The following DPYD variants were observed in gnomAD, a reference collection of about 807,000 sequenced individuals.
The protein encoded by DPYD is dihydropyrimidine dehydrogenase.
A neutral mutation model predicts 116.2 loss-of-function variants in DPYD; 109 were observed. That is an observed-to-expected ratio of 0.94 (90% CI 0.80 to 1.10). DPYD has a LOEUF of 1.10. Among genes scored for constraint, DPYD ranks in the 50% least tolerant of loss-of-function variants. The pLI is 0.00. For missense variants in DPYD, 1,302 were observed against 1,254.5 expected, an observed-to-expected ratio of 1.04 and a Z score of -0.57; for synonymous variants, 440 against 432.0, an observed-to-expected ratio of 1.02 and a Z score of -0.23.
At chr1:97,400,599 A>C (rs1346850391) in intron 14 of DPYD, among the ~76,000 whole-genome samples, 1 of 152,002 alleles carries the variant, frequency 6.6e-6, no homozygotes, top group Non-Finnish European at 1.5e-5. Flanking sequence ...TTGGTTGGTA[A>C]GCTATTAATT....
intron 16 of DPYD, among the ~76,000 whole-genome samples, chr1:97,366,102 A>C (rs1345549098): frequency 6.6e-6 from 1 of 152,190 alleles, no homozygotes; most frequent in Non-Finnish European, 1.5e-5. Flanking sequence ...AACATTAATA[A>C]CTATAATTGA....
At chr1:97,894,638 T>C (rs1315430695) in intron 1 of DPYD, among the ~76,000 whole-genome samples, 1 of 151,708 alleles carries the variant, frequency 6.6e-6, no homozygotes, top group Non-Finnish European at 1.5e-5. Flanking sequence ...TTATATATCT[T>C]TATTCTTTAA....
Position 97,078,228 on chromosome 1 carries a change from T to C in DPYD, c.*748A>G, listed in dbSNP as rs1446326038. ...CACAGCAAAAGAGTGGTAACCAGGA[T>C]CTATCCTATCATCTCATTTTGTTAG... On this transcript the variant is annotated 3_prime_UTR_variant, in exon 23 of 23. Transcript: ENST00000370192. 6.5e-6 allele frequency: 1 copy of C among 153,220 alleles called. No individual in the cohort carries two copies. Among genetic ancestry groups the C allele is most frequent in the Non-Finnish European group, 1.5e-5 (1 of 68,752 alleles). 9.5% of individuals were successfully genotyped at this position (153,220 alleles called of 1,614,324 possible).
At chr1:97,860,936 A>G (rs961204618) in intron 2 of DPYD, among the ~76,000 whole-genome samples, 2 of 152,050 alleles carry the variant, frequency 1.3e-5, no homozygotes, top group African/African-American at 4.8e-5. Flanking sequence ...TAAGGTTTAT[A>G]TATCTTTTGA....
intron 4 of DPYD, among the ~76,000 whole-genome samples, chr1:97,724,604 G>A (rs1478662472): frequency 6.6e-6 from 1 of 151,402 alleles, no homozygotes; most frequent in African/African-American, 2.4e-5. Context: ...TCAGGGTAGA[G>A]CTAGCATTTT....
rs1277880912 is a variant in DPYD at position 97,765,358 on chromosome 1, G to A, written c.234-24879C>T. ...TTTCTTTGGTCTAAGGCTATATAGA[G>A]AGGCTACTAGAGCACTGTGCCCATC... is the stretch of plus-strand genomic sequence containing the variant. On this transcript the variant is annotated intron_variant, in intron 3 of 22. Coordinates refer to ENST00000370192, the MANE Select transcript of DPYD (RefSeq NM_000110.4). Among the ~76,000 whole-genome samples the A allele has an allele frequency of 2.0e-5, 3 of 152,242 alleles. No homozygotes were observed. The East Asian group carries it at 5.8e-4, about 29-fold the overall frequency.
chr1:97,103,942 A>T (rs1345690176), intron 20 of DPYD, among the ~76,000 whole-genome samples: 1 of 152,118 alleles, frequency 6.6e-6, no homozygotes, highest in East Asian at 1.9e-4. Flanking sequence ...CCCCTCTGCC[A>T]GAATACCCCA....
intron 22 of DPYD, among the ~76,000 whole-genome samples, chr1:97,081,718 T>TTTTC (rs1491225219): frequency 1.5e-4 from 8 of 54,506 alleles, no homozygotes; most frequent in Admixed American, 3.3e-4. Context: ...TTTTCTTTTC[T>TTTTC]TTTTTTTTTT....
intron 16 of DPYD, among the ~76,000 whole-genome samples, chr1:97,338,511 G>A (rs1418371891): frequency 6.6e-6 from 1 of 152,188 alleles, no homozygotes; most frequent in African/African-American, 2.4e-5. Context: ...ATCATCCAAA[G>A]AAGAGCACGT....
At chr1:97,277,105 A>T (rs1170630077) in intron 18 of DPYD, among the ~76,000 whole-genome samples, 1 of 152,202 alleles carries the variant, frequency 6.6e-6, no homozygotes, top group East Asian at 1.9e-4. Flanking sequence ...TTAACGCAGG[A>T]ACAGAAAACC....
rs773652644 is a variant in DPYD at position 97,382,403 on chromosome 1, T to C, written c.1964A>G (p.Lys655Arg). ...TAAAGTAACCATTACCTCAGACTTC[T>C]TGGCAAGTTCCGTCCAGTCATTTTT... ...YNKNDWTELA[K>R]KSEDSGADAL... The change falls in exon 15 of 23, where the codon AAG (lysine) becomes AGG (arginine). Residue 655 changes from lysine (K) to arginine (R), a missense_variant. Coordinates refer to ENST00000370192, the MANE Select transcript of DPYD (RefSeq NM_000110.4). 6.9e-6 allele frequency: 11 copies of C among 1,595,988 alleles called. No homozygotes were observed. Among genetic ancestry groups the C allele is most frequent in the African/African-American group, 6.7e-5 (5 of 74,610 alleles).
chr1:97,482,681 A>G (rs1362221753), intron 13 of DPYD, among the ~76,000 whole-genome samples: 1 of 152,208 alleles, frequency 6.6e-6, no homozygotes, highest in African/African-American at 2.4e-5. Context: ...GCCATTAAAG[A>G]GAACAGTTAG....
rs1034271374 is a variant in DPYD at position 97,195,298 on chromosome 1, T to C, written c.2443-2050A>G. Reference sequence around the variant, plus strand: ...GGCAATGGCAGCCAACAAAGAAAAATCATGTCATGCATGAATGAAAAAGAA... The same window carrying C: ...GGCAATGGCAGCCAACAAAGAAAAACCATGTCATGCATGAATGAAAAAGAA... On this transcript the variant is annotated intron_variant, in intron 19 of 22. Transcript: ENST00000370192. 2.0e-5 allele frequency among the ~76,000 whole-genome samples: 3 copies of C among 151,642 alleles called. No homozygotes were observed. The East Asian group carries it at 5.8e-4, about 29-fold the overall frequency.
At chr1:97,887,817 G>A (rs750110357) in intron 1 of DPYD, among the ~76,000 whole-genome samples, 3 of 151,972 alleles carry the variant, frequency 2.0e-5, no homozygotes, top group Non-Finnish European at 4.4e-5. Flanking sequence ...CATGGGGCCA[G>A]TTACCCCCAT....
intron 13 of DPYD, among the ~76,000 whole-genome samples, chr1:97,487,602 G>T (rs1678720555): frequency 6.6e-6 from 1 of 152,192 alleles, no homozygotes; most frequent in South Asian, 2.1e-4. Context: ...GAACCTGGGA[G>T]GCGGAGCTTG....
rs550184106 is a variant in DPYD at position 97,377,833 on chromosome 1, C to T, written c.1975-4189G>A. The stretch of plus-strand genomic sequence containing the variant: ...CCAGTGTGGGATGTCACAGCCTAAG[C>T]GGAGCAGAGCCAGAAGGATGTCTAC... On this transcript the variant is annotated intron_variant, in intron 15 of 22. Transcript: ENST00000370192. Among the ~76,000 whole-genome samples the T allele has an allele frequency of 7.9e-4, 120 of 152,204 alleles. 1 individual carries two copies. The highest frequency in any genetic ancestry group is 2.5e-3 in the East Asian group (13 of 5,178).
At chr1:97,230,578 T>C (rs1156775212) in intron 19 of DPYD, among the ~76,000 whole-genome samples, 1 of 151,860 alleles carries the variant, frequency 6.6e-6, no homozygotes, top group Non-Finnish European at 1.5e-5. Context: ...ACAAACCACA[T>C]GAAAAAAGTT....
intron 2 of DPYD, among the ~76,000 whole-genome samples, chr1:97,843,797 T>A (rs1327791774): frequency 6.6e-6 from 1 of 152,208 alleles, no homozygotes; most frequent in African/African-American, 2.4e-5. Context: ...TCTAAATATT[T>A]ATTCTAAATA....
rs182392824 is a variant in DPYD, at chr1:97,289,697, A to G, written c.2299+15562T>C. 1.8e-3 allele frequency among the ~76,000 whole-genome samples: 273 copies of G among 152,318 alleles called. 9 individuals carry two copies. The East Asian group carries it at 0.051, about 28-fold the overall frequency. ...TTGATGGGACGTATCTCAAAATCATAAGAGCTATCTATGACTAACCCACAG... is the reference window on the plus strand; with the variant it reads ...TTGATGGGACGTATCTCAAAATCATGAGAGCTATCTATGACTAACCCACAG... On this transcript the variant is annotated intron_variant, in intron 18 of 22. Transcript: ENST00000370192.
Sources: allele counts gnomAD v4.1 joint callset (sites outside exome capture counted in the v4.1 genomes callset), GRCh38; gene constraint gnomAD v4.1.1; transcripts MANE v1.5; gene names NCBI Gene and HGNC (gene_info 2026-07-23, HGNC 2026-07-21).